Variants in CACNA2D3 observed in about 807,000 individuals in gnomAD.
CACNA2D3 encodes calcium voltage-gated channel auxiliary subunit alpha2delta 3.
CACNA2D3 carries 60 observed loss-of-function variants against 160.6 expected under a neutral mutation model. The observed-to-expected ratio is 0.37, with a 90% CI of 0.30 to 0.46. The LOEUF is 0.46. CACNA2D3 is among the 20% of genes least tolerant of loss of function. The probability of loss-of-function intolerance (pLI) is 1.00; values close to 1 mark genes in which losing one functional copy is unlikely to be tolerated. For synonymous variants in CACNA2D3, 558 were observed against 492.9 expected, an observed-to-expected ratio of 1.13 and a Z score of -1.75; for missense variants, 1,205 against 1,365.0, an observed-to-expected ratio of 0.88 and a Z score of 1.85.
intron 3 of CACNA2D3, among the ~76,000 whole-genome samples, chr3:54,371,473 G>A (rs1698925277): frequency 6.6e-6 from 1 of 151,958 alleles, no homozygotes; most frequent in African/African-American, 2.4e-5. Flanking sequence ...AATACAATTT[G>A]CTTATTTTAA....
At chr3:54,805,047 A>G (rs1165325310) in intron 13 of CACNA2D3, among the ~76,000 whole-genome samples, 1 of 152,384 alleles carries the variant, frequency 6.6e-6, no homozygotes, top group East Asian at 1.9e-4. Flanking sequence ...GACACATTCA[A>G]AGCAGTGTAT....
At chr3:54,144,046 A>T (rs1456325172) in intron 2 of CACNA2D3, among the ~76,000 whole-genome samples, 3 of 152,370 alleles carry the variant, frequency 2.0e-5, no homozygotes, top group African/African-American at 7.2e-5. Flanking sequence ...TGATACAAAA[A>T]GAAAGAAATT....
chr3:54,615,991 G>A (rs1367193586), intron 9 of CACNA2D3, among the ~76,000 whole-genome samples: 1 of 152,180 alleles, frequency 6.6e-6, no homozygotes, highest in Non-Finnish European at 1.5e-5. Flanking sequence ...GATGATTTGA[G>A]GTGGAACAAT....
At chr3:54,147,914 C>G (rs1298634532) in intron 2 of CACNA2D3, among the ~76,000 whole-genome samples, 1 of 152,236 alleles carries the variant, frequency 6.6e-6, no homozygotes, top group Non-Finnish European at 1.5e-5. Flanking sequence ...TCAAGCAATT[C>G]TCCTGCCTCA....
In CACNA2D3 at chr3:54,686,263, A is replaced by G. The variant is rs529835557; in HGVS notation, c.1167+44022A>G. Among the ~76,000 whole-genome samples, 3 of 152,346 alleles carry G rather than the reference A, an allele frequency of 2.0e-5. No homozygotes were observed. In the East Asian group the frequency reaches 5.8e-4, roughly 29 times the overall value. On this transcript the variant is annotated intron_variant, in intron 11 of 37. Transcript: ENST00000474759. ...CTATGTGGCTGAGTTGAATAGTTGC[A>G]ACAGAGACCAAATGGCGCACAAAGC...
At chr3:55,057,139 C>T (rs1049649676) in intron 35 of CACNA2D3, among the ~76,000 whole-genome samples, 2 of 152,132 alleles carry the variant, frequency 1.3e-5, no homozygotes, top group Admixed American at 6.5e-5. Context: ...TAGTGAATAG[C>T]CACTATGTAA....
In CACNA2D3 at chr3:54,896,814, G is replaced by A. The variant is rs772601031; in HGVS notation, c.2312G>A (p.Arg771Gln). Reference protein sequence around the residue: ...FNADHFPLWYRRAAEQIPGSF... With the variant: ...FNADHFPLWYQRAAEQIPGSF... ...GCAGACCATTTCCCTCTCTGGTACC[G>A]AAGAGCCGCTGAGCAGATTCCAGGG... The change falls in exon 26 of 38, where the codon CGA becomes CAA. Residue 771 changes from arginine to glutamine, a missense_variant. Physicochemically the swap from Arg to Gln is conservative, Grantham distance 43 (BLOSUM62 1). Coordinates refer to ENST00000474759, the MANE Select transcript of CACNA2D3 (RefSeq NM_018398.3). 10 of 1,613,980 alleles carry A rather than the reference G, an allele frequency of 6.2e-6. No homozygotes were observed. The highest frequency in any genetic ancestry group is 3.3e-5 in the South Asian group (3 of 91,086).
At chr3:54,343,902 G>A (rs939103673) in intron 3 of CACNA2D3, among the ~76,000 whole-genome samples, 1 of 152,118 alleles carries the variant, frequency 6.6e-6, no homozygotes, top group Non-Finnish European at 1.5e-5. Context: ...ACATGGTAGA[G>A]CAATAGTATA....
chr3:54,588,509 C>T (rs1702803062), intron 9 of CACNA2D3, among the ~76,000 whole-genome samples: 1 of 152,120 alleles, frequency 6.6e-6, no homozygotes, highest in Non-Finnish European at 1.5e-5. Context: ...AGAAGTAAAA[C>T]TTCCTATTTT....
At chr3:54,510,195 T>C (rs895243114) in intron 5 of CACNA2D3, among the ~76,000 whole-genome samples, 3 of 151,694 alleles carry the variant, frequency 2.0e-5, no homozygotes, top group African/African-American at 7.3e-5. Context: ...GATGGATGGA[T>C]GGATGGGTAG....
chr3:54,762,348 T>C (rs1229988531), intron 12 of CACNA2D3, among the ~76,000 whole-genome samples: 1 of 152,198 alleles, frequency 6.6e-6, no homozygotes, highest in Non-Finnish European at 1.5e-5. Context: ...ACACCATCTT[T>C]AATCCCAGTT....
chr3:54,788,595 A>G (rs1409694636), intron 13 of CACNA2D3, among the ~76,000 whole-genome samples: 2 of 152,200 alleles, frequency 1.3e-5, no homozygotes, highest in Non-Finnish European at 2.9e-5. Context: ...ATCAGTGACC[A>G]CACCCCAGAA....
chr3:54,580,779 G>C (rs1702663116), intron 8 of CACNA2D3, among the ~76,000 whole-genome samples: 1 of 152,232 alleles, frequency 6.6e-6, no homozygotes, highest in African/African-American at 2.4e-5. Context: ...CTAACCCAGT[G>C]CCTAGCCTGC....
At chr3:54,520,609 A>G (rs1404569515) in intron 5 of CACNA2D3, among the ~76,000 whole-genome samples, 1 of 152,166 alleles carries the variant, frequency 6.6e-6, no homozygotes, top group Non-Finnish European at 1.5e-5. Flanking sequence ...CCCTTTATTG[A>G]GATACAATTC....
chr3:54,940,593 C>G (rs1428811316), intron 27 of CACNA2D3, among the ~76,000 whole-genome samples: 1 of 152,130 alleles, frequency 6.6e-6, no homozygotes, highest in African/African-American at 2.4e-5. Context: ...AAAAACCTTG[C>G]TACAGGCTAC....
At chr3:54,469,765 C>G (rs1029858725) in intron 4 of CACNA2D3, among the ~76,000 whole-genome samples, 2 of 151,830 alleles carry the variant, frequency 1.3e-5, no homozygotes, top group Non-Finnish European at 2.9e-5. Context: ...AAACACAGCA[C>G]GAGAACTTCA....
At chr3:55,042,719 A>G (rs1182294813) in intron 35 of CACNA2D3, among the ~76,000 whole-genome samples, 1 of 152,194 alleles carries the variant, frequency 6.6e-6, no homozygotes, top group Non-Finnish European at 1.5e-5. Context: ...ATTTACTACT[A>G]TAATCAAGAT....
intron 2 of CACNA2D3, among the ~76,000 whole-genome samples, chr3:54,229,577 C>T (rs2107390392): frequency 6.6e-6 from 1 of 152,200 alleles, no homozygotes; most frequent in South Asian, 2.1e-4. Flanking sequence ...TCAGGTGATC[C>T]TCTCACCTCG....
At chr3:54,535,317 C>T (rs1701872721) in intron 5 of CACNA2D3, among the ~76,000 whole-genome samples, 1 of 152,222 alleles carries the variant, frequency 6.6e-6, no homozygotes, top group Non-Finnish European at 1.5e-5. Context: ...GGACTCACTG[C>T]TTTAAAATAG....
Sources: gnomAD v4.1 joint callset for allele counts (sites outside exome capture counted in the v4.1 genomes callset) on GRCh38, gnomAD v4.1.1 for gene constraint, MANE v1.5 for transcripts, NCBI Gene and HGNC (gene_info 2026-07-23, HGNC 2026-07-21) for gene names.